MYO3A: variants seen among roughly 807,000 people sequenced by gnomAD.
MYO3A encodes myosin IIIA.
A neutral mutation model predicts 192.7 loss-of-function variants in MYO3A; 180 were observed. That is an observed-to-expected ratio of 0.93 (90% CI 0.83 to 1.06). The LOEUF is 1.06. Among genes scored for constraint, MYO3A ranks in the 50% least tolerant of loss-of-function variants. The probability of loss-of-function intolerance (pLI) is 0.00; values close to 1 mark genes in which losing one functional copy is unlikely to be tolerated. For missense variants in MYO3A, 1,896 were observed against 1,905.0 expected (o/e 1.00, Z 0.09); for synonymous variants, 628 against 645.3 (o/e 0.97, Z 0.41).
intron 31 of MYO3A, among the ~76,000 whole-genome samples, chr10:26,180,971 G>A (rs1450499375): frequency 6.6e-6 from 1 of 151,980 alleles, no homozygotes; most frequent in Non-Finnish European, 1.5e-5. Flanking sequence ...AACTATAAAT[G>A]AGGACTTATT....
chr10:26,035,346 G>A (rs1440861586), intron 10 of MYO3A, among the ~76,000 whole-genome samples: 1 of 152,192 alleles, frequency 6.6e-6, no homozygotes, highest in African/African-American at 2.4e-5. Flanking sequence ...GAAGGCCATT[G>A]TAAGTACCTC....
intron 10 of MYO3A, among the ~76,000 whole-genome samples, chr10:26,043,149 G>GTCTCCC (rs1843443942): frequency 7.0e-6 from 1 of 143,274 alleles, no homozygotes; most frequent in Non-Finnish European, 1.5e-5. Flanking sequence ...GCCAAACAGA[G>GTCTCCC]TCTCTCTCTC....
chr10:25,941,481 T>A (rs562864916), intron 2 of MYO3A, among the ~76,000 whole-genome samples: 75 of 152,340 alleles, frequency 4.9e-4, no homozygotes, highest in African/African-American at 1.8e-3. Context: ...TGGATGATCA[T>A]GCATGGATCT....
chr10:25,975,766 C>T (rs74577048), intron 4 of MYO3A, among the ~76,000 whole-genome samples: 2,286 of 149,914 alleles, frequency 0.015, 71 homozygotes, highest in African/African-American at 0.055. Flanking sequence ...TTCGTTAAAA[C>T]ATTAAAATGC....
chr10:26,075,735 G>A (rs910560405), intron 14 of MYO3A, among the ~76,000 whole-genome samples: 10 of 136,624 alleles, frequency 7.3e-5, no homozygotes, highest in African/African-American at 2.0e-4. Context: ...TGATATATAT[G>A]TCTCTCATAT....
intron 4 of MYO3A, among the ~76,000 whole-genome samples, chr10:25,985,392 C>G (rs1297267562): frequency 6.6e-6 from 1 of 150,732 alleles, no homozygotes; most frequent in African/African-American, 2.5e-5. Context: ...GGAATTGAAA[C>G]AAACAAACAA....
intron 23 of MYO3A, among the ~76,000 whole-genome samples, chr10:26,149,756 A>G (rs1840691887): frequency 6.6e-6 from 1 of 152,162 alleles, no homozygotes; most frequent in South Asian, 2.1e-4. Flanking sequence ...TGTGGTGAGA[A>G]CACTTAAAAA....
At chr10:26,023,384 TC>T (rs1564469292) in intron 8 of MYO3A, 1 of 152,642 alleles carries the variant, frequency 6.6e-6, no homozygotes, top group East Asian at 1.9e-4. Flanking sequence ...TAGATCAGCC[TC>T]ATTTTCAAAT....
intron 31 of MYO3A, among the ~76,000 whole-genome samples, chr10:26,180,154 T>G (rs1445033900): frequency 3.9e-5 from 6 of 152,094 alleles, no homozygotes; most frequent in Non-Finnish European, 8.8e-5. Context: ...AATTTAGAGA[T>G]AAAATTCCTG....
In MYO3A at chr10:26,205,478, T is replaced by TG. The variant is rs1564645896; in HGVS notation, c.4730+2371_4730+2372insG. Among the ~76,000 whole-genome samples the TG allele has an allele frequency of 2.4e-4, 31 of 129,242 alleles. 1 individual carries two copies. The highest frequency in any genetic ancestry group is 3.7e-3 in the Middle Eastern group (1 of 268). 84.8% of individuals were successfully genotyped at this position (129,242 alleles called of 152,430 possible). On this transcript the variant is annotated intron_variant, in intron 34 of 34. Coordinates refer to ENST00000642920, the MANE Select transcript of MYO3A (RefSeq NM_017433.5). ...GTGTGCTTGTCTTTTTTTTTTTTTT[T>TG]TGGGGGGGGGCTTCCATGTATAAGT...
At chr10:26,031,782 G>A (rs1038259296) in intron 10 of MYO3A, among the ~76,000 whole-genome samples, 2 of 152,156 alleles carry the variant, frequency 1.3e-5, no homozygotes, top group Admixed American at 6.5e-5. Flanking sequence ...ACTTGCACAA[G>A]CCACCACATC....
At chr10:26,145,599 A>G (rs1840415453) in intron 22 of MYO3A, 65 bp downstream of exon 22, 11 of 1,222,438 alleles carry the variant, frequency 9.0e-6, no homozygotes, top group Non-Finnish European at 1.3e-5. Flanking sequence ...TAGGATAGAC[A>G]TGAAAATTAT....
chr10:26,110,873 T>G (rs906598454), intron 17 of MYO3A, among the ~76,000 whole-genome samples: 21 of 151,006 alleles, frequency 1.4e-4, no homozygotes, highest in African/African-American at 4.9e-4. Flanking sequence ...TCTTTTCTTT[T>G]TTTTTTTTTT....
chr10:25,988,939 C>CTTTTTTT (rs56308717), intron 4 of MYO3A, among the ~76,000 whole-genome samples: 15 of 116,982 alleles, frequency 1.3e-4, no homozygotes, highest in Admixed American at 2.8e-4. Flanking sequence ...CCCTAAAACT[C>CTTTTTTT]TTTTTTTTTT....
At chr10:26,068,720 G>T (rs1835008609) in intron 11 of MYO3A, 48 bp from the exon 12 acceptor site, 2 of 1,247,390 alleles carry the variant, frequency 1.6e-6, no homozygotes, top group Non-Finnish European at 2.3e-6. Flanking sequence ...AATTGTAGTT[G>T]ACCACAAATA....
At chr10:26,074,373 G>C (rs895827886) in intron 14 of MYO3A, among the ~76,000 whole-genome samples, 13 of 151,700 alleles carry the variant, frequency 8.6e-5, no homozygotes, top group Admixed American at 2.6e-4. Flanking sequence ...TTGTCATATA[G>C]CTATTCAGTT....
At chr10:26,045,411 T>TAGATAGAC (rs1564490148) in intron 10 of MYO3A, among the ~76,000 whole-genome samples, 228 of 143,926 alleles carry the variant, frequency 1.6e-3, no homozygotes, top group African/African-American at 5.7e-3. Flanking sequence ...GATAGATAGA[T>TAGATAGAC]AGATAATGTT....
chr10:26,078,801 G>A (rs1835753534), intron 14 of MYO3A, among the ~76,000 whole-genome samples: 1 of 152,066 alleles, frequency 6.6e-6, no homozygotes. Context: ...TGATTTCCAT[G>A]TATTTGCATG....
intron 2 of MYO3A, among the ~76,000 whole-genome samples, chr10:25,943,888 T>C (rs1039504515): frequency 1.3e-5 from 2 of 151,874 alleles, no homozygotes; most frequent in African/African-American, 4.8e-5. Context: ...CTGAATGCTT[T>C]TATTTATGTT....
Sources: gnomAD v4.1 joint callset for allele counts (sites outside exome capture counted in the v4.1 genomes callset) on GRCh38, gnomAD v4.1.1 for gene constraint, MANE v1.5 for transcripts, NCBI Gene and HGNC (gene_info 2026-07-23, HGNC 2026-07-21) for gene names.